Variants in B3GLCT observed in about 807,000 individuals in gnomAD.
B3GLCT encodes beta 3-glucosyltransferase.
In B3GLCT, 65 loss-of-function variants were observed where a neutral mutation model predicts 63.4. The ratio of observed to expected loss-of-function variants is 1.03; its 90% CI spans 0.84 to 1.26. The LOEUF is 1.26. Ranked by LOEUF, B3GLCT falls within the 50% of genes most tolerant of loss-of-function variation. The pLI is 0.00. For missense variants in B3GLCT, 577 were observed against 604.8 expected (o/e 0.95, Z 0.48); for synonymous variants, 233 against 219.2 (o/e 1.06, Z -0.55).
At chr13:31,234,618 G>T (rs946517053) in intron 4 of B3GLCT, among the ~76,000 whole-genome samples, 1 of 152,120 alleles carries the variant, frequency 6.6e-6, no homozygotes, top group Non-Finnish European at 1.5e-5. Flanking sequence ...GCCAGCGGAT[G>T]GGGGGTGGCA....
intron 2 of B3GLCT, among the ~76,000 whole-genome samples, chr13:31,218,187 CTTT>C (rs35142866): frequency 1.7e-5 from 2 of 119,854 alleles, no homozygotes; most frequent in African/African-American, 3.2e-5. Flanking sequence ...TTTGTGGCTA[CTTT>C]TTTTTTTTTT....
At chr13:31,321,846 T>A (rs1678428018) in intron 13 of B3GLCT, among the ~76,000 whole-genome samples, 2 of 152,202 alleles carry the variant, frequency 1.3e-5, no homozygotes, top group Non-Finnish European at 2.9e-5. Flanking sequence ...CCATTTTTTT[T>A]TTATTATTTC....
intron 4 of B3GLCT, 76 bp downstream of exon 4, chr13:31,229,370 C>T (rs919652473): frequency 3.4e-5 from 30 of 880,132 alleles, no homozygotes; most frequent in East Asian, 2.2e-4. Context: ...ACACTGGATC[C>T]GTGGAGAATC....
At chr13:31,246,933 T>C (rs1871214730) in intron 4 of B3GLCT, 90 bp from the exon 5 acceptor site, 3 of 973,566 alleles carry the variant, frequency 3.1e-6, no homozygotes, top group Non-Finnish European at 4.5e-6. Flanking sequence ...TTTTTTCTTT[T>C]TTCTTTTCTT....
At chr13:31,269,859 A>G (rs978374117) in intron 8 of B3GLCT, among the ~76,000 whole-genome samples, 1 of 152,152 alleles carries the variant, frequency 6.6e-6, no homozygotes, top group African/African-American at 2.4e-5. Flanking sequence ...TCACCACTTA[A>G]TCTGCCAGTC....
At chr13:31,211,931 A>G (rs1442671682) in intron 1 of B3GLCT, among the ~76,000 whole-genome samples, 2 of 152,226 alleles carry the variant, frequency 1.3e-5, no homozygotes, top group Non-Finnish European at 2.9e-5. Flanking sequence ...TTGTTGTCAT[A>G]TAGCTGTCTG....
chr13:31,285,372 G>T (rs901587834), intron 11 of B3GLCT, among the ~76,000 whole-genome samples: 1 of 151,984 alleles, frequency 6.6e-6, no homozygotes, highest in African/African-American at 2.4e-5. Flanking sequence ...GACACTCTTC[G>T]GGTGATGGCT....
chr13:31,309,981 A>G (rs944788871), intron 12 of B3GLCT, among the ~76,000 whole-genome samples: 16 of 152,174 alleles, frequency 1.1e-4, no homozygotes, highest in African/African-American at 3.6e-4. Flanking sequence ...AGGTACAAGG[A>G]CACTGATAGA....
chr13:31,213,528 A>G (rs1363391985), intron 1 of B3GLCT, among the ~76,000 whole-genome samples: 2 of 151,118 alleles, frequency 1.3e-5, no homozygotes, highest in African/African-American at 4.9e-5. Flanking sequence ...TGAAGGTTGC[A>G]GTGAGCTGAG....
intron 6 of B3GLCT, among the ~76,000 whole-genome samples, chr13:31,250,504 A>C (rs1021040785): frequency 2.6e-5 from 4 of 152,228 alleles, no homozygotes; most frequent in African/African-American, 9.6e-5. Context: ...GATAAAACAC[A>C]GGTGCTTGCA....
chr13:31,299,197 C>T (rs1202716436), intron 12 of B3GLCT, among the ~76,000 whole-genome samples: 1 of 152,148 alleles, frequency 6.6e-6, no homozygotes, highest in Non-Finnish European at 1.5e-5. Flanking sequence ...TGAGCACACA[C>T]TCTTGAAGGC....
chr13:31,309,283 CACA>C (rs1434979873), intron 12 of B3GLCT, among the ~76,000 whole-genome samples: 1 of 152,160 alleles, frequency 6.6e-6, no homozygotes, highest in Admixed American at 6.5e-5. Context: ...GTTCTTATAC[CACA>C]ACAATCAATG....
chr13:31,212,399 C>T (rs533445045), intron 1 of B3GLCT, among the ~76,000 whole-genome samples: 31 of 151,914 alleles, frequency 2.0e-4, no homozygotes, highest in Middle Eastern at 3.4e-3. Flanking sequence ...CTCAGCCTCC[C>T]GAGTAGCTGG....
intron 6 of B3GLCT, among the ~76,000 whole-genome samples, chr13:31,258,481 A>G (rs1392004925): frequency 6.6e-6 from 1 of 152,042 alleles, no homozygotes; most frequent in African/African-American, 2.4e-5. Flanking sequence ...TGCCTTGACC[A>G]TTATTAGATC....
At position 31,273,536 on chromosome 13, in the gene B3GLCT, A is replaced by T. The variant is rs117138068; in HGVS notation, c.661-973A>T. ...ATCTGTTTGATAATTCTGATAGCTG[A>T]AGTTTTTTGAGTCTGATTAAATAAA... On this transcript the variant is annotated intron_variant, in intron 8 of 14. Coordinates refer to ENST00000343307, the MANE Select transcript of B3GLCT (RefSeq NM_194318.4). Among the ~76,000 whole-genome samples, 988 of 152,304 alleles carry T rather than the reference A, an allele frequency of 6.5e-3. 3 individuals carry two copies. Among genetic ancestry groups the T allele is most frequent in the Non-Finnish European group, 0.01 (705 of 68,026 alleles).
chr13:31,246,500 A>G (rs1453714217), intron 4 of B3GLCT, among the ~76,000 whole-genome samples: 1 of 151,512 alleles, frequency 6.6e-6, no homozygotes, highest in Non-Finnish European at 1.5e-5. Flanking sequence ...ACTTTTTGTT[A>G]TCAGGGTATT....
intron 12 of B3GLCT, among the ~76,000 whole-genome samples, chr13:31,294,455 C>T (rs1386013190): frequency 2.6e-5 from 4 of 152,186 alleles, no homozygotes; most frequent in Non-Finnish European, 5.9e-5. Context: ...AGCAATCAAA[C>T]GTAGATTTGG....
chr13:31,213,408 G>GC (rs200345429), intron 1 of B3GLCT, among the ~76,000 whole-genome samples: 4,004 of 152,160 alleles, frequency 0.026, 82 homozygotes, highest in Non-Finnish European at 0.036. Context: ...TGAGTAACAT[G>GC]TTGAAACCTT....
intron 12 of B3GLCT, among the ~76,000 whole-genome samples, chr13:31,301,657 G>A (rs542401125): frequency 1.3e-5 from 2 of 152,190 alleles, no homozygotes; most frequent in Non-Finnish European, 2.9e-5. Context: ...CCCACCAGGA[G>A]ACCCTGGCCT....
Sources: gnomAD v4.1 joint callset for allele counts (sites outside exome capture counted in the v4.1 genomes callset) on GRCh38, gnomAD v4.1.1 for gene constraint, MANE v1.5 for transcripts, NCBI Gene and HGNC (gene_info 2026-07-23, HGNC 2026-07-21) for gene names.